Variants in SAXO3 observed in about 807,000 individuals in gnomAD.
SAXO3 encodes the protein stabilizer of axonemal microtubules 3.
At chr19:49,019,883 G>C in the SAXO3 span, 1 of 1,385,232 alleles carries the variant, frequency 7.2e-7, no homozygotes, top group Non-Finnish European at 9.8e-7. Context: ...TGTCCCCTGC[G>C]GACTCCGGCA....
At chr19:49,019,869 G>T in the SAXO3 span, 1 of 1,346,250 alleles carries the variant, frequency 7.4e-7, no homozygotes, top group Non-Finnish European at 1.0e-6. Flanking sequence ...GCAGTCCCCC[G>T]CCCTGTCCCC....
At chr19:49,019,005 G>A in the SAXO3 span, 1 of 1,531,794 alleles carries the variant, frequency 6.5e-7, no homozygotes, top group Non-Finnish European at 8.7e-7. Flanking sequence ...TAGAGCCTGA[G>A]CAAGATTGGG....
chr19:49,019,070 C>T, the SAXO3 span: 3 of 1,461,226 alleles, frequency 2.1e-6, no homozygotes, highest in Non-Finnish European at 2.7e-6. Context: ...CCCTGGGTCC[C>T]GAGTTCAGAA....
the SAXO3 span, chr19:49,019,698 G>A: frequency 8.3e-7 from 1 of 1,207,526 alleles, no homozygotes; most frequent in East Asian, 3.2e-5. Flanking sequence ...GCTGGGGCCC[G>A]AAGTATTCCG....
At chr19:49,019,611 G>T in the SAXO3 span, 286 of 1,249,594 alleles carry the variant, frequency 2.3e-4, no homozygotes, top group Non-Finnish European at 2.8e-4. Flanking sequence ...CCGGAGCTCC[G>T]CCCCGTCTCG....
At chr19:49,018,242 C>T in the SAXO3 span, 1 of 825,650 alleles carries the variant, frequency 1.2e-6, no homozygotes, top group Non-Finnish European at 1.6e-6. Flanking sequence ...GGAGCGCGGA[C>T]AGGGCGGCCG....
At chr19:49,020,101 G>T in the SAXO3 span, 1 of 1,245,340 alleles carries the variant, frequency 8.0e-7, no homozygotes, top group Non-Finnish European at 1.1e-6. Flanking sequence ...GAGGGTCCGC[G>T]ACCGTGGACT....
the SAXO3 span, chr19:49,018,434 C>T: frequency 1.3e-6 from 1 of 771,360 alleles, no homozygotes; most frequent in Non-Finnish European, 1.8e-6. Flanking sequence ...ATTCAAACTC[C>T]TGCATTTCCA....
At chr19:49,018,373 G>A in the SAXO3 span, 1 of 1,203,806 alleles carries the variant, frequency 8.3e-7, no homozygotes, top group Non-Finnish European at 1.0e-6. Flanking sequence ...TGAGGATACA[G>A]CTGGATCCTT....
At chr19:49,019,533 G>T in the SAXO3 span, 1 of 1,160,282 alleles carries the variant, frequency 8.6e-7, no homozygotes, top group Admixed American at 4.0e-5. Context: ...CTCTAACCTC[G>T]CGATCCCGCC....
At chr19:49,018,131 T>C in the SAXO3 span, 3 of 400,054 alleles carry the variant, frequency 7.5e-6, no homozygotes, top group Non-Finnish European at 1.3e-5. Context: ...CAGGGGGCTG[T>C]AGGACTCCTG....
the SAXO3 span, chr19:49,019,695 C>A: frequency 8.2e-7 from 1 of 1,219,238 alleles, no homozygotes; most frequent in Non-Finnish European, 1.1e-6. Context: ...GGGGCTGGGG[C>A]CCGAAGTATT....
chr19:49,018,214 T>G, the SAXO3 span: 1 of 552,884 alleles, frequency 1.8e-6, no homozygotes, highest in South Asian at 9.2e-5. Context: ...GGACCCGCGG[T>G]GGTCGGGGCG....
At chr19:49,019,009 G>C in the SAXO3 span, 1 of 1,530,710 alleles carries the variant, frequency 6.5e-7, no homozygotes, top group Non-Finnish European at 8.7e-7. Flanking sequence ...GCCTGAGCAA[G>C]ATTGGGGGAG....
the SAXO3 span, chr19:49,020,499 A>G: frequency 2.5e-6 from 1 of 398,866 alleles, no homozygotes; most frequent in Non-Finnish European, 4.4e-6. Flanking sequence ...GCCCGGAGCC[A>G]GGGTGCCACT....
chr19:49,018,727 T>C, the SAXO3 span: 1 of 694,134 alleles, frequency 1.4e-6, no homozygotes, highest in South Asian at 1.9e-5. Flanking sequence ...AGGGAGGGGC[T>C]GAGGCCTGAA....
At chr19:49,018,223 C>T in the SAXO3 span, 3 of 632,184 alleles carry the variant, frequency 4.7e-6, no homozygotes, top group Non-Finnish European at 6.8e-6. Context: ...GTGGTCGGGG[C>T]GGCCGGGAGG....
the SAXO3 span, chr19:49,018,893 C>T: frequency 1.3e-6 from 2 of 1,534,418 alleles, no homozygotes; most frequent in Non-Finnish European, 1.7e-6. Flanking sequence ...ACCGAAAGTC[C>T]CGCGCCGAGG....
the SAXO3 span, chr19:49,018,075 G>A: frequency 2.5e-6 from 1 of 398,836 alleles, no homozygotes; most frequent in Non-Finnish European, 4.4e-6. Context: ...CCGCCCCAGG[G>A]CGCCTCCAGC....
Sources: allele counts gnomAD v4.1 joint callset, GRCh38; gene constraint gnomAD v4.1.1; transcripts MANE v1.5; gene names NCBI Gene and HGNC (gene_info 2026-07-23, HGNC 2026-07-21).